Variants in PELI2 observed in about 807,000 individuals in gnomAD.
PELI2 encodes the protein E3 ubiquitin-protein ligase pellino homolog 2.
PELI2 carries 23 observed loss-of-function variants against 42.3 expected under a neutral mutation model. That is an observed-to-expected ratio of 0.54 (90% CI 0.39 to 0.77). The LOEUF (loss-of-function observed/expected upper bound fraction) is 0.77, where lower values mean the gene tolerates loss of function less well. Among genes scored for constraint, PELI2 ranks in the 30% least tolerant of loss-of-function variants. PELI2 has a pLI of 0.00. For synonymous variants in PELI2, 245 were observed against 212.2 expected (o/e 1.15, Z -1.34); for missense variants, 463 against 553.2 (o/e 0.84, Z 1.64).
At chr14:56,232,602 C>G (rs990539611) in intron 2 of PELI2, among the ~76,000 whole-genome samples, 1 of 151,964 alleles carries the variant, frequency 6.6e-6, no homozygotes, top group Non-Finnish European at 1.5e-5. Context: ...ATCAACGGGA[C>G]ATATCTCAAA....
chr14:56,211,203 T>C (rs1238170708), intron 2 of PELI2, among the ~76,000 whole-genome samples: 3 of 152,246 alleles, frequency 2.0e-5, no homozygotes, highest in Non-Finnish European at 2.9e-5. Flanking sequence ...GAGTCAATGC[T>C]GCCAGTGCTG....
At chr14:56,146,367 T>C (rs551691083) in intron 1 of PELI2, among the ~76,000 whole-genome samples, 129 of 152,324 alleles carry the variant, frequency 8.5e-4, no homozygotes, top group African/African-American at 3.0e-3. Flanking sequence ...AATAGTCTTC[T>C]TTACATATTG....
chr14:56,271,427 A>G (rs1594702672), intron 2 of PELI2, among the ~76,000 whole-genome samples: 1 of 152,330 alleles, frequency 6.6e-6, no homozygotes, highest in African/African-American at 2.4e-5. Flanking sequence ...TGTATTTCAT[A>G]ACCAGAGCCA....
At chr14:56,213,353 G>T (rs1375626027) in intron 2 of PELI2, among the ~76,000 whole-genome samples, 1 of 152,192 alleles carries the variant, frequency 6.6e-6, no homozygotes, top group Admixed American at 6.5e-5. Context: ...GCACAGTGGA[G>T]GCAGAAGGAG....
At chr14:56,135,009 CAAAT>C (rs1883634549) in intron 1 of PELI2, among the ~76,000 whole-genome samples, 2 of 152,140 alleles carry the variant, frequency 1.3e-5, no homozygotes, top group South Asian at 2.1e-4. Context: ...GGATTTATAA[CAAAT>C]AAAAAGGGAA....
chr14:56,254,862 A>G (rs1888471681), intron 2 of PELI2, among the ~76,000 whole-genome samples: 2 of 152,370 alleles, frequency 1.3e-5, no homozygotes, highest in East Asian at 1.9e-4. Flanking sequence ...GAAGACATTT[A>G]TGCAGCCAAC....
chr14:56,178,482 G>T lies in PELI2; in HGVS notation c.207+18G>T. On this transcript the variant is annotated intron_variant, in intron 2 of 5. Coordinates refer to ENST00000267460, the MANE Select transcript of PELI2 (RefSeq NM_021255.3). ...CATCCAAGGTAGGTGGGTCTGTCAA[G>T]AGTTGGGAGGGTGCTGGCAAACAGT... is the stretch of plus-strand genomic sequence containing the variant. The T allele has an allele frequency of 6.2e-7, 1 of 1,613,888 alleles. No individual in the cohort carries two copies. The highest frequency in any genetic ancestry group is 8.5e-7 in the Non-Finnish European group (1 of 1,179,814).
At chr14:56,230,225 A>G (rs956768200) in intron 2 of PELI2, among the ~76,000 whole-genome samples, 2 of 152,200 alleles carry the variant, frequency 1.3e-5, no homozygotes, top group African/African-American at 2.4e-5. Context: ...GCAGGCCAGC[A>G]TTCAAATTCA....
chr14:56,241,578 G>A lies in PELI2; in HGVS notation c.208-38098G>A, dbSNP rs145940453. ...GTTGGGGGGAAGCAGACAAAAACCC[G>A]TGCCATTGTGGAGTATATATTCTGT... On this transcript the variant is annotated intron_variant, in intron 2 of 5. Coordinates refer to ENST00000267460, the MANE Select transcript of PELI2 (RefSeq NM_021255.3). Among the ~76,000 whole-genome samples, 581 of 152,214 alleles carry A rather than the reference G, an allele frequency of 3.8e-3. 5 individuals are homozygous for A. Among genetic ancestry groups the A allele is most frequent in the African/African-American group, 0.013 (524 of 41,504 alleles).
intron 1 of PELI2, among the ~76,000 whole-genome samples, chr14:56,176,332 T>C (rs142967437): frequency 8.9e-4 from 135 of 152,226 alleles, no homozygotes; most frequent in African/African-American, 3.2e-3. Context: ...TCAACTCCAG[T>C]GGGGATGGCA....
rs558589996 is a variant in PELI2 at position 56,288,562 on chromosome 14, C to T, written c.435C>T (p.Cys145=). 1.5e-5 allele frequency: 24 copies of T among 1,613,934 alleles called. No homozygotes were observed. In the Admixed American group the frequency reaches 3.2e-4, roughly 21 times the overall value. The change falls in exon 4 of 6, where the codon TGC becomes TGT. Residue 145 remains cysteine (C), a synonymous_variant. Transcript: ENST00000267460. This position sits in a 1 kb window ranked among gnomAD's most constrained non-coding sequence, Gnocchi z 4.6. The stretch of plus-strand genomic sequence containing the variant: ...CCAGGTTCGCCTGCAGGATCGTGTG[C>T]GACAGGAATGAACCTTACACAGCAC... ...TISRFACRIV[C]DRNEPYTARI...
At chr14:56,292,644 T>C (rs1889869784) in intron 5 of PELI2, 1 of 236,360 alleles carries the variant, frequency 4.2e-6, no homozygotes, top group Non-Finnish European at 6.9e-6. Flanking sequence ...ATTAATATCA[T>C]ACTGAGCATT....
chr14:56,186,213 G>A (rs2139680134), intron 2 of PELI2, among the ~76,000 whole-genome samples: 1 of 152,312 alleles, frequency 6.6e-6, no homozygotes, highest in Non-Finnish European at 1.5e-5. Context: ...GAGCCAAGGA[G>A]TGCAGGTGGC....
At position 56,288,751 on chromosome 14, in the gene PELI2, G is replaced by A; in HGVS notation, c.507+117G>A. 1 of 719,122 alleles carries A rather than the reference G, an allele frequency of 1.4e-6. No homozygotes were observed. The highest frequency in any genetic ancestry group is 2.3e-6 in the Non-Finnish European group (1 of 430,134). The allele number at this position is 719,122 out of a possible 1,614,324, so 44.5% of individuals were successfully genotyped here. On this transcript the variant is annotated intron_variant, in intron 4 of 5. Coordinates refer to ENST00000267460, the MANE Select transcript of PELI2 (RefSeq NM_021255.3). This position sits in a 1 kb window ranked among gnomAD's most constrained non-coding sequence, Gnocchi z 4.6. ...TATGTTGCCTCTAGTGAGATTTTGA[G>A]ATTTTAGTTTTCAGGTGGCCAGTTT... is the stretch of plus-strand genomic sequence containing the variant.
chr14:56,186,731 G>C (rs1253827711), intron 2 of PELI2, among the ~76,000 whole-genome samples: 1 of 152,126 alleles, frequency 6.6e-6, no homozygotes, highest in Non-Finnish European at 1.5e-5. Context: ...AATTATCTGT[G>C]TAATTATCTG....
At chr14:56,222,899 C>T (rs1414003481) in intron 2 of PELI2, among the ~76,000 whole-genome samples, 3 of 151,924 alleles carry the variant, frequency 2.0e-5, no homozygotes, top group Non-Finnish European at 4.4e-5. Flanking sequence ...GTAGAGTGGG[C>T]GAAGGTGTTG....
At chr14:56,190,067 TC>T (rs1885904681) in intron 2 of PELI2, among the ~76,000 whole-genome samples, 2 of 152,248 alleles carry the variant, frequency 1.3e-5, no homozygotes, top group South Asian at 4.1e-4. Flanking sequence ...TGTATTTTTT[TC>T]GAATTAGAGT....
At position 56,253,902 on chromosome 14, in the gene PELI2, A is replaced by G. The variant is rs138358225; in HGVS notation, c.208-25774A>G. On this transcript the variant is annotated intron_variant, in intron 2 of 5. Coordinates refer to ENST00000267460, the MANE Select transcript of PELI2 (RefSeq NM_021255.3). ...AGATAGCCAAGACAATTCTAAGCAA[A>G]AAGAACAAAGCTAGAGGCATCACAC... Among the ~76,000 whole-genome samples, 879 of 152,334 alleles carry G rather than the reference A, an allele frequency of 5.8e-3. 9 individuals are homozygous for G. The highest frequency in any genetic ancestry group is 0.02 in the African/African-American group (821 of 41,572).
intron 1 of PELI2, among the ~76,000 whole-genome samples, chr14:56,136,806 C>G (rs112414459): frequency 2.0e-5 from 3 of 152,174 alleles, no homozygotes; most frequent in African/African-American, 7.2e-5. Context: ...TCTCCCTTCT[C>G]CACTTCTTCT....
Sources: gnomAD v4.1 joint callset for allele counts (sites outside exome capture counted in the v4.1 genomes callset) on GRCh38, gnomAD v4.1.1 for gene constraint, Gnocchi (gnomAD v3.1) non-coding constraint, MANE v1.5 for transcripts, NCBI Gene and HGNC (gene_info 2026-07-23, HGNC 2026-07-21) for gene names.